The following PHACTR2 variants were observed in gnomAD, a reference collection of about 807,000 sequenced individuals.
PHACTR2 encodes chromosome 6 open reading frame 56.
In PHACTR2, 30 loss-of-function variants were observed where a neutral mutation model predicts 76.0. The observed-to-expected ratio is 0.39, with a 90% confidence interval of 0.30 to 0.54. PHACTR2 has a LOEUF of 0.54. PHACTR2 is among the 20% of genes least tolerant of loss of function. PHACTR2 has a pLI of 0.61. For missense variants in PHACTR2, 696 were observed against 781.1 expected (o/e 0.89, Z 1.30); for synonymous variants, 292 against 292.5 (o/e 1.00, Z 0.02).
rs933495653 is a variant in PHACTR2 at position 143,648,703 on chromosome 6, C to T, written c.13+40381C>T. 1.3e-5 allele frequency among the ~76,000 whole-genome samples: 2 copies of T among 152,112 alleles called. No homozygotes were observed. The highest frequency in any genetic ancestry group is 4.8e-5 in the African/African-American group (2 of 41,418). Reference sequence around the variant, plus strand: ...GGAAAGTGTAATTCAGACAGGCAGACTACTCTGTCTGCATTCCTACAACTG... The same window carrying T: ...GGAAAGTGTAATTCAGACAGGCAGATTACTCTGTCTGCATTCCTACAACTG... On this transcript the variant is annotated intron_variant, in intron 1 of 11. Transcript: ENST00000305766. This position sits in a 1 kb window ranked among gnomAD's most constrained non-coding sequence, Gnocchi z 6.7.
chr6:143,711,776 G>A, intron 1 of PHACTR2: 1 of 688,578 alleles, frequency 1.5e-6, no homozygotes, highest in Non-Finnish European at 2.7e-6. Flanking sequence ...CATCTATAAT[G>A]TAAGTCTCTT....
upstream of PHACTR2, among the ~76,000 whole-genome samples, chr6:143,606,990 A>G (rs756585180): frequency 1.9e-4 from 29 of 152,220 alleles, no homozygotes; most frequent in Non-Finnish European, 3.8e-4. Flanking sequence ...ATCTATAGGA[A>G]ATCCTGAAGT....
At position 143,664,832 on chromosome 6, in the gene PHACTR2, T is replaced by C. The variant is rs1777006711; in HGVS notation, c.14-47184T>C. Among the ~76,000 whole-genome samples, 1 of 152,162 alleles carries C rather than the reference T, an allele frequency of 6.6e-6. No homozygotes were observed. Among genetic ancestry groups the C allele is most frequent in the African/African-American group, 2.4e-5 (1 of 41,426 alleles). On this transcript the variant is annotated intron_variant, in intron 1 of 11. Transcript: ENST00000305766. The surrounding 1 kb of genome is among the most constrained non-coding windows in gnomAD (Gnocchi z 5.1). ...TTATTATTTTGAGACACTGTCTTGC[T>C]CTGTCACCCAGGCTGGAGTGCAGTG... is the stretch of plus-strand genomic sequence containing the variant.
intron 4 of PHACTR2, among the ~76,000 whole-genome samples, chr6:143,756,983 G>A (rs1379579133): frequency 9.2e-5 from 14 of 151,648 alleles, no homozygotes; most frequent in Non-Finnish European, 2.9e-5. Flanking sequence ...GGAGGTGGAG[G>A]TTGTAGTGAG....
At chr6:143,771,337 G>A (rs1241590634) in intron 6 of PHACTR2, among the ~76,000 whole-genome samples, 1 of 146,624 alleles carries the variant, frequency 6.8e-6, no homozygotes, top group Non-Finnish European at 1.5e-5. Context: ...CCAGGCTCAA[G>A]CAATCCTTCC....
At chr6:143,810,521 T>A (rs1417765161) in intron 12 of PHACTR2, 6 of 451,302 alleles carry the variant, frequency 1.3e-5, no homozygotes, top group Non-Finnish European at 2.7e-5. Flanking sequence ...TCTATTAGAT[T>A]GGGCATCTTA....
In PHACTR2 at chr6:143,623,856, A is replaced by G. The variant is rs186144219; in HGVS notation, c.13+15534A>G. 5.3e-5 allele frequency among the ~76,000 whole-genome samples: 8 copies of G among 152,298 alleles called. No individual in the cohort carries two copies. The South Asian group carries it at 6.2e-4, about 12-fold the overall frequency. On this transcript the variant is annotated intron_variant, in intron 1 of 11. Coordinates refer to the PHACTR2 transcript ENST00000305766. The surrounding 1 kb of genome is among the most constrained non-coding windows in gnomAD (Gnocchi z 5.9). The stretch of plus-strand genomic sequence containing the variant: ...CCAATAAATTATGTTTTAATCAGTT[A>G]ACTGGATAGCAGCACATATTATATT...
rs1562323657 is a variant in PHACTR2, at chr6:143,828,711, CTG to C, written c.*5026_*5027del. 1 of 152,168 alleles carries C rather than the reference CTG, an allele frequency of 6.6e-6. No individual in the cohort carries two copies. Among genetic ancestry groups the C allele is most frequent in the Non-Finnish European group, 1.5e-5 (1 of 68,052 alleles). The allele number at this position is 152,168 out of a possible 1,614,324, so 9.4% of individuals were successfully genotyped here. A position where few individuals can be genotyped will look rare whatever the true frequency, so the allele number is the denominator to read the frequency against. ...CACATATGAGCAAAGCACTGTTGGT[CTG>C]TGTTTCTCAGTGGGGGTACTCTTGG... On this transcript the variant is annotated 3_prime_UTR_variant, in exon 13 of 13. Coordinates refer to ENST00000440869, the MANE Select transcript of PHACTR2 (RefSeq NM_001100164.2). This position sits in a 1 kb window ranked among gnomAD's most constrained non-coding sequence, Gnocchi z 4.7.
chr6:143,652,883 A>G lies in PHACTR2; in HGVS notation c.13+44561A>G, dbSNP rs746729743. ...CTTTGTAGCAGCCACTCTAAGGAGGATGATTCATGGTCCCTGTGCAGGCAC... is the reference window on the plus strand; with the variant it reads ...CTTTGTAGCAGCCACTCTAAGGAGGGTGATTCATGGTCCCTGTGCAGGCAC... On this transcript the variant is annotated intron_variant, in intron 1 of 11. Transcript: ENST00000305766. This position sits in a 1 kb window ranked among gnomAD's most constrained non-coding sequence, Gnocchi z 4.5. 6.6e-6 allele frequency among the ~76,000 whole-genome samples: 1 copy of G among 152,168 alleles called. No homozygotes were observed. Among genetic ancestry groups the G allele is most frequent in the African/African-American group, 2.4e-5 (1 of 41,430 alleles).
rs891144630 is a variant in PHACTR2, at chr6:143,750,959, T to C, written c.295+1894T>C. 6.6e-6 allele frequency among the ~76,000 whole-genome samples: 1 copy of C among 152,232 alleles called. No homozygotes were observed. Among genetic ancestry groups the C allele is most frequent in the African/African-American group, 2.4e-5 (1 of 41,460 alleles). On this transcript the variant is annotated intron_variant, in intron 3 of 12. Coordinates refer to ENST00000440869, the MANE Select transcript of PHACTR2 (RefSeq NM_001100164.2). The surrounding 1 kb of genome is among the most constrained non-coding windows in gnomAD (Gnocchi z 4.6). ...TCTAATGGTTGAAGGTTCCTGAGGA[T>C]GTCAGTAGTAAATGGAGTCCTTCCC...
At chr6:143,711,137 C>CCT in intron 1 of PHACTR2, 1 of 448,686 alleles carries the variant, frequency 2.2e-6, no homozygotes, top group Non-Finnish European at 4.4e-6. Context: ...CACCGCTATA[C>CCT]GTTCCCTCAA....
chr6:143,589,648 C>G lies in PHACTR2; in HGVS notation c.217+52441C>G, dbSNP rs1775667018. On this transcript the variant is annotated intron_variant, in intron 1 of 11. Transcript: ENST00000367584. The surrounding 1 kb of genome is among the most constrained non-coding windows in gnomAD (Gnocchi z 4.4). ...AAATTTCCTCTTCTTATACAAACAC[C>G]AGCCAGATTGAAGTGGGGCTCACTC... is the stretch of plus-strand genomic sequence containing the variant. 2.6e-5 allele frequency among the ~76,000 whole-genome samples: 4 copies of G among 152,120 alleles called. No homozygotes were observed. The South Asian group carries it at 8.3e-4, about 32-fold the overall frequency.
chr6:143,626,181 A>G, intron 1 of PHACTR2, among the ~76,000 whole-genome samples: 1 of 152,216 alleles, frequency 6.6e-6, no homozygotes, highest in East Asian at 1.9e-4. Context: ...ATGAAGGCAC[A>G]TAATTACACC....
rs1227972862 is a variant in PHACTR2, at chr6:143,811,638, G to C, written c.1922+4505G>C. Among the ~76,000 whole-genome samples, 2 of 152,032 alleles carry C rather than the reference G, an allele frequency of 1.3e-5. No homozygotes were observed. ...ACCAAAATAAATATGCCTTGCTTAA[G>C]TATTCTTAAACCTTGGCAGTAAAGC... On this transcript the variant is annotated intron_variant, in intron 12 of 12. Coordinates refer to ENST00000440869, the MANE Select transcript of PHACTR2 (RefSeq NM_001100164.2). This position sits in a 1 kb window ranked among gnomAD's most constrained non-coding sequence, Gnocchi z 4.1.
intron 1 of PHACTR2, among the ~76,000 whole-genome samples, chr6:143,609,247 G>A (rs148470703): frequency 9.8e-5 from 15 of 152,308 alleles, no homozygotes; most frequent in Non-Finnish European, 1.9e-4. Flanking sequence ...TTATGAAATT[G>A]AGCTAGTTCA....
chr6:143,635,520 T>C (rs1776436979), intron 1 of PHACTR2, among the ~76,000 whole-genome samples: 1 of 152,246 alleles, frequency 6.6e-6, no homozygotes, highest in African/African-American at 2.4e-5. Flanking sequence ...TAACTATTTA[T>C]ACTCCCACAG....
intron 1 of PHACTR2, among the ~76,000 whole-genome samples, chr6:143,626,428 TC>T (rs1251896187): frequency 6.6e-6 from 1 of 151,582 alleles, no homozygotes; most frequent in Non-Finnish European, 1.5e-5. Flanking sequence ...TCCCAGGTAC[TC>T]CGGAGGCTGA....
At position 143,806,710 on chromosome 6, in the gene PHACTR2, T is replaced by C. The variant is rs62427432; in HGVS notation, c.1846-347T>C. Among the ~76,000 whole-genome samples, 35 of 152,156 alleles carry C rather than the reference T, an allele frequency of 2.3e-4. No individual in the cohort carries two copies. Among genetic ancestry groups the C allele is most frequent in the Non-Finnish European group, 4.1e-4 (28 of 68,024 alleles). On this transcript the variant is annotated intron_variant, in intron 11 of 12. Coordinates refer to ENST00000440869, the MANE Select transcript of PHACTR2 (RefSeq NM_001100164.2). This position sits in a 1 kb window ranked among gnomAD's most constrained non-coding sequence, Gnocchi z 5.8. ...GGCTCATGCCTGTAATTTCAGCACT[T>C]TGAGAAACTGAGGTGAGAGGATCAC...
Position 143,828,270 on chromosome 6 carries a change from T to C in PHACTR2, c.*4581T>C, listed in dbSNP as rs1776587139. 6.6e-6 allele frequency: 1 copy of C among 152,166 alleles called. No individual in the cohort carries two copies. The highest frequency in any genetic ancestry group is 2.4e-5 in the African/African-American group (1 of 41,420). 9.4% of individuals were successfully genotyped at this position (152,166 alleles called of 1,614,324 possible). Reference sequence around the variant, plus strand: ...CTTTCTAGAGAAAGTACATGCCCAGTTAGTTCAAACCCAGGTTTCAAAGAA... The same window carrying C: ...CTTTCTAGAGAAAGTACATGCCCAGCTAGTTCAAACCCAGGTTTCAAAGAA... On this transcript the variant is annotated 3_prime_UTR_variant, in exon 13 of 13. Coordinates refer to ENST00000440869, the MANE Select transcript of PHACTR2 (RefSeq NM_001100164.2). This position sits in a 1 kb window ranked among gnomAD's most constrained non-coding sequence, Gnocchi z 4.7.
Sources: gnomAD v4.1 joint callset for allele counts (sites outside exome capture counted in the v4.1 genomes callset) on GRCh38, gnomAD v4.1.1 for gene constraint, Gnocchi (gnomAD v3.1) non-coding constraint, MANE v1.5 for transcripts, NCBI Gene and HGNC (gene_info 2026-07-23, HGNC 2026-07-21) for gene names.